Variants in GPC5 observed in about 807,000 individuals in gnomAD.
GPC5 encodes the protein glypican-5.
GPC5 carries 47 observed loss-of-function variants against 53.9 expected under a neutral mutation model. The observed-to-expected ratio is 0.87, with a 90% CI of 0.69 to 1.11. GPC5 has a LOEUF of 1.11. Among genes scored for constraint, GPC5 ranks in the 50% most tolerant of loss-of-function variants. GPC5 has a pLI of 0.00. For missense variants in GPC5, 748 were observed against 713.1 expected (o/e 1.05, Z -0.56); for synonymous variants, 286 against 263.3 (o/e 1.09, Z -0.84).
At chr13:91,761,481 T>G (rs2037410995) in intron 5 of GPC5, among the ~76,000 whole-genome samples, 1 of 152,148 alleles carries the variant, frequency 6.6e-6, no homozygotes, top group South Asian at 2.1e-4. Context: ...AAGACTGCCC[T>G]GCCTTTCTGA....
chr13:92,263,835 C>A (rs1468597403), intron 7 of GPC5, among the ~76,000 whole-genome samples: 1 of 152,062 alleles, frequency 6.6e-6, no homozygotes, highest in African/African-American at 2.4e-5. Context: ...AGGTAAGTGA[C>A]TAGCAACTGG....
At chr13:91,480,497 G>A (rs572167207) in intron 2 of GPC5, among the ~76,000 whole-genome samples, 9 of 152,276 alleles carry the variant, frequency 5.9e-5, no homozygotes, top group Non-Finnish European at 1.0e-4. Flanking sequence ...CAAATCCAGC[G>A]TGACTATCCA....
At chr13:91,879,581 A>C (rs566200366) in intron 5 of GPC5, among the ~76,000 whole-genome samples, 1 of 152,248 alleles carries the variant, frequency 6.6e-6, no homozygotes, top group South Asian at 2.1e-4. Flanking sequence ...GGAACAAGGG[A>C]GTTCTATGGA....
chr13:92,528,981 C>T (rs1881460454), intron 7 of GPC5, among the ~76,000 whole-genome samples: 1 of 151,956 alleles, frequency 6.6e-6, no homozygotes, highest in Non-Finnish European at 1.5e-5. Context: ...AGATGTACTG[C>T]ATTATTACTG....
At chr13:92,154,827 G>C (rs923287169) in intron 7 of GPC5, among the ~76,000 whole-genome samples, 1 of 152,148 alleles carries the variant, frequency 6.6e-6, no homozygotes, top group African/African-American at 2.4e-5. Flanking sequence ...GAGCACTAAT[G>C]ATGGCTCTTA....
intron 2 of GPC5, among the ~76,000 whole-genome samples, chr13:91,526,776 C>G (rs1022926121): frequency 1.3e-5 from 2 of 152,134 alleles, no homozygotes; most frequent in African/African-American, 4.8e-5. Context: ...ACTCACAGTT[C>G]CACATGTCTG....
intron 6 of GPC5, among the ~76,000 whole-genome samples, chr13:92,029,311 A>G (rs905835936): frequency 6.6e-6 from 1 of 152,192 alleles, no homozygotes; most frequent in African/African-American, 2.4e-5. Flanking sequence ...GTTCTATGAA[A>G]TTTTGACAAT....
intron 7 of GPC5, among the ~76,000 whole-genome samples, chr13:92,759,574 A>T (rs998441536): frequency 6.6e-6 from 1 of 151,994 alleles, no homozygotes; most frequent in Non-Finnish European, 1.5e-5. Flanking sequence ...ATGTCCTGCA[A>T]TTTCACTGAA....
chr13:91,820,529 C>G (rs1211953568), intron 5 of GPC5, among the ~76,000 whole-genome samples: 1 of 152,126 alleles, frequency 6.6e-6, no homozygotes, highest in African/African-American at 2.4e-5. Context: ...GTCAAGCGTC[C>G]ATAAATAAAT....
At chr13:92,396,265 G>T (rs1344991674) in intron 7 of GPC5, among the ~76,000 whole-genome samples, 1 of 152,044 alleles carries the variant, frequency 6.6e-6, no homozygotes, top group African/African-American at 2.4e-5. Flanking sequence ...TGCTTGTAAA[G>T]CCATGAAAGG....
At chr13:92,621,113 C>A (rs1884855722) in intron 7 of GPC5, among the ~76,000 whole-genome samples, 1 of 152,124 alleles carries the variant, frequency 6.6e-6, no homozygotes, top group Non-Finnish European at 1.5e-5. Context: ...CACTCACTGG[C>A]TACTGCTTGG....
At chr13:91,869,763 G>A (rs1244009353) in intron 5 of GPC5, among the ~76,000 whole-genome samples, 3 of 152,142 alleles carry the variant, frequency 2.0e-5, no homozygotes, top group Non-Finnish European at 4.4e-5. Context: ...GGATGGCTGG[G>A]GAGGCCTCAG....
chr13:91,708,402 G>T (rs113107015), intron 3 of GPC5, among the ~76,000 whole-genome samples: 2,719 of 148,708 alleles, frequency 0.018, 79 homozygotes, highest in African/African-American at 0.064. Context: ...CTTTAACACG[G>T]TTTGTGAAAG....
intron 7 of GPC5, among the ~76,000 whole-genome samples, chr13:92,612,632 C>T (rs1884475603): frequency 6.6e-6 from 1 of 152,038 alleles, no homozygotes; most frequent in Admixed American, 6.6e-5. Flanking sequence ...AATTTCAGGA[C>T]TCTTATGTTG....
chr13:91,434,999 G>T (rs1276865286), intron 1 of GPC5, among the ~76,000 whole-genome samples: 2 of 152,114 alleles, frequency 1.3e-5, no homozygotes, highest in Admixed American at 6.5e-5. Context: ...GTCCGTTATT[G>T]GTGTATAAGA....
intron 6 of GPC5, among the ~76,000 whole-genome samples, chr13:92,119,791 T>A (rs2041633877): frequency 6.6e-6 from 1 of 151,932 alleles, no homozygotes; most frequent in African/African-American, 2.4e-5. Context: ...CATGTGTAGA[T>A]GAGTTTTTTA....
intron 4 of GPC5, among the ~76,000 whole-genome samples, chr13:91,730,971 A>G (rs1035163554): frequency 8.5e-5 from 13 of 152,334 alleles, no homozygotes; most frequent in South Asian, 4.1e-4. Flanking sequence ...AAATATGTCT[A>G]CTAAGACATT....
At chr13:92,663,879 TATATATATATATATATATATATATAC>T (rs1407414116) in intron 7 of GPC5, among the ~76,000 whole-genome samples, 6 of 63,362 alleles carry the variant, frequency 9.5e-5, no homozygotes, top group African/African-American at 2.4e-4. Context: ...TATATATATA[TATATATATATATATATATATATATAC>T]ACACACACAC....
intron 2 of GPC5, among the ~76,000 whole-genome samples, chr13:91,449,313 C>T (rs1356037903): frequency 6.6e-6 from 1 of 151,936 alleles, no homozygotes; most frequent in Non-Finnish European, 1.5e-5. Context: ...ATAGATTTAT[C>T]TACTAAAAAT....
Sources: gnomAD v4.1 joint callset for allele counts (sites outside exome capture counted in the v4.1 genomes callset) on GRCh38, gnomAD v4.1.1 for gene constraint, MANE v1.5 for transcripts, NCBI Gene and HGNC (gene_info 2026-07-23, HGNC 2026-07-21) for gene names.